Variants in ATF3 observed in about 807,000 individuals in gnomAD.
ATF3 encodes cyclic AMP-dependent transcription factor ATF-3.
Under a neutral mutation model 18.4 loss-of-function variants are expected in ATF3, and 10 were observed. The observed-to-expected ratio is 0.54, with a 90% CI of 0.34 to 0.92. The LOEUF is 0.92. Among genes scored for constraint, ATF3 ranks in the 40% least tolerant of loss-of-function variants. The pLI is 0.02. For missense variants in ATF3, 183 were observed against 222.3 expected, an observed-to-expected ratio of 0.82 and a Z score of 1.12; for synonymous variants, 78 against 87.9, an observed-to-expected ratio of 0.89 and a Z score of 0.63.
chr1:212,612,981 G>A (rs1654959202), intron 1 of ATF3, among the ~76,000 whole-genome samples: 1 of 151,904 alleles, frequency 6.6e-6, no homozygotes, highest in African/African-American at 2.4e-5. Context: ...TTCCTCATAG[G>A]ATATTATGGG....
rs746983561 is a variant in ATF3 at position 212,619,575 on chromosome 1, G to A, written c.*20G>A. ...AGCTAAGCAGTCGTGGTATGGGGGC[G>A]ACTGGGGAGTCCTCATTGAATCCTC... On this transcript the variant is annotated 3_prime_UTR_variant, in exon 4 of 4. Coordinates refer to ENST00000341491, the MANE Select transcript of ATF3 (RefSeq NM_001674.4). The surrounding 1 kb of genome is among the most constrained non-coding windows in gnomAD (Gnocchi z 4.4). The A allele has an allele frequency of 1.2e-5, 19 of 1,613,270 alleles. No homozygotes were observed. The highest frequency in any genetic ancestry group is 6.7e-5 in the Admixed American group (4 of 59,936).
intron 1 of ATF3, among the ~76,000 whole-genome samples, chr1:212,594,172 A>C (rs1664946031): frequency 6.6e-6 from 1 of 152,032 alleles, no homozygotes; most frequent in African/African-American, 2.4e-5. Context: ...GGCTCGGTGG[A>C]GCTGACGAGC....
chr1:212,579,980 T>TAAA (rs776918394), intron 1 of ATF3, among the ~76,000 whole-genome samples: 2 of 130,572 alleles, frequency 1.5e-5, no homozygotes, highest in Non-Finnish European at 3.3e-5. Flanking sequence ...CCGTCTCTAC[T>TAAA]AAAAAAAAAA....
upstream of ATF3, among the ~76,000 whole-genome samples, chr1:212,605,244 A>G (rs1365718054): frequency 1.3e-5 from 2 of 152,234 alleles, no homozygotes; most frequent in African/African-American, 2.4e-5. Context: ...TAAGTGCTGA[A>G]TCCAGAATCC....
At chr1:212,598,149 A>G (rs550278502) in intron 1 of ATF3, among the ~76,000 whole-genome samples, 36 of 152,362 alleles carry the variant, frequency 2.4e-4, no homozygotes, top group Admixed American at 1.8e-3. Context: ...TCAGAAATAT[A>G]TAAGTAGAAG....
In ATF3 at chr1:212,575,293, T is replaced by A. The variant is rs142798880; in HGVS notation, c.-5+9810T>A. On this transcript the variant is annotated intron_variant, in intron 1 of 3. Transcript: ENST00000366981. ...TTAACAAATTTATTTCTAGGTGCCA[T>A]GTAATTTCTGTTACTATTATAAATG... Among the ~76,000 whole-genome samples the A allele has an allele frequency of 5.2e-3, 797 of 152,218 alleles. 8 individuals carry two copies. Among genetic ancestry groups the A allele is most frequent in the African/African-American group, 0.019 (770 of 41,566 alleles).
intron 1 of ATF3, 123 bp downstream of exon 1, chr1:212,609,053 C>CG (rs1260086439): frequency 2.0e-5 from 3 of 152,334 alleles, no homozygotes; most frequent in Non-Finnish European, 4.4e-5. Context: ...CCCCAGCCTC[C>CG]GGCTTGGAAA....
intron 1 of ATF3, among the ~76,000 whole-genome samples, chr1:212,588,255 C>T (rs1369912407): frequency 1.3e-5 from 2 of 152,118 alleles, no homozygotes; most frequent in African/African-American, 2.4e-5. Flanking sequence ...TGAAACTGCA[C>T]GTTCTCCACT....
chr1:212,595,016 T>C (rs928434890), intron 1 of ATF3, among the ~76,000 whole-genome samples: 2 of 152,226 alleles, frequency 1.3e-5, no homozygotes, highest in Non-Finnish European at 2.9e-5. Flanking sequence ...TTGTCAATTA[T>C]TGTTTTGCCA....
At chr1:212,595,651 A>G (rs1664978433) in intron 1 of ATF3, among the ~76,000 whole-genome samples, 1 of 152,208 alleles carries the variant, frequency 6.6e-6, no homozygotes, top group African/African-American at 2.4e-5. Context: ...TCCTCTAAGA[A>G]CTATGGGAAC....
intron 1 of ATF3, among the ~76,000 whole-genome samples, chr1:212,610,829 T>C (rs1654865004): frequency 6.6e-6 from 1 of 152,206 alleles, no homozygotes; most frequent in South Asian, 2.1e-4. Context: ...CGATACCTAT[T>C]GGTGATGGAG....
rs34303223 is a variant in ATF3, at chr1:212,614,590, CAA to C, written c.-4-416_-4-415del. 5.9e-3 allele frequency among the ~76,000 whole-genome samples: 728 copies of C among 124,034 alleles called. 2 individuals are homozygous for C. Among genetic ancestry groups the C allele is most frequent in the African/African-American group, 0.01 (326 of 32,170 alleles). 81.4% of individuals were successfully genotyped at this position (124,034 alleles called of 152,430 possible). A position where few individuals can be genotyped will look rare whatever the true frequency, so the allele number is the denominator to read the frequency against. On this transcript the variant is annotated intron_variant, in intron 1 of 3. Transcript: ENST00000341491. ...AAGAAACTTTATTTTGAGTAATATACAAAAAAAAAAAAAGAGAGAGAGAGAGA... is the reference window on the plus strand; with the variant it reads ...AAGAAACTTTATTTTGAGTAATATACAAAAAAAAAAAGAGAGAGAGAGAGA...
At chr1:212,585,634 G>A (rs1167803254) in intron 1 of ATF3, among the ~76,000 whole-genome samples, 1 of 152,148 alleles carries the variant, frequency 6.6e-6, no homozygotes, top group Non-Finnish European at 1.5e-5. Context: ...AACTGTAATC[G>A]ATTATATTTT....
Position 212,589,743 on chromosome 1 carries a change from CTG to C in ATF3, c.-5+24262_-5+24263del, listed in dbSNP as rs1571768036. 2.0e-5 allele frequency among the ~76,000 whole-genome samples: 3 copies of C among 148,242 alleles called. No individual in the cohort carries two copies. The South Asian group carries it at 6.3e-4, about 31-fold the overall frequency. On this transcript the variant is annotated intron_variant, in intron 1 of 3. Transcript: ENST00000366981. The stretch of plus-strand genomic sequence containing the variant: ...AGAATGTCTTAAATTGACCAAGAAA[CTG>C]TTTTTAAAAAGTCACATAAGCTAAT...
At chr1:212,598,301 A>T (rs1654375217) in intron 1 of ATF3, among the ~76,000 whole-genome samples, 2 of 152,082 alleles carry the variant, frequency 1.3e-5, no homozygotes, top group Admixed American at 1.3e-4. Flanking sequence ...GTTGATATAT[A>T]TCTTACTTTT....
intron 1 of ATF3, among the ~76,000 whole-genome samples, chr1:212,580,545 A>T (rs1015434544): frequency 6.6e-6 from 1 of 151,844 alleles, no homozygotes; most frequent in African/African-American, 2.4e-5. Context: ...TCAAGTGATG[A>T]TCCACCTGTT....
chr1:212,600,759 C>G (rs1025294599), intron 1 of ATF3, among the ~76,000 whole-genome samples: 3 of 152,180 alleles, frequency 2.0e-5, no homozygotes, highest in African/African-American at 7.2e-5. Flanking sequence ...AGTCTGTCTC[C>G]CCATGGGCTG....
chr1:212,578,081 C>T (rs1467376468), intron 1 of ATF3, among the ~76,000 whole-genome samples: 2 of 152,202 alleles, frequency 1.3e-5, no homozygotes, highest in African/African-American at 4.8e-5. Flanking sequence ...ACATCCTCAC[C>T]AACATTTTCT....
At chr1:212,572,783 C>A (rs2102621071) in intron 1 of ATF3, among the ~76,000 whole-genome samples, 1 of 152,248 alleles carries the variant, frequency 6.6e-6, no homozygotes, top group African/African-American at 2.4e-5. Flanking sequence ...CCAAGGCATT[C>A]CATAGAAGTT....
Sources: gnomAD v4.1 joint callset for allele counts (sites outside exome capture counted in the v4.1 genomes callset) on GRCh38, gnomAD v4.1.1 for gene constraint, Gnocchi (gnomAD v3.1) non-coding constraint, MANE v1.5 for transcripts, NCBI Gene and HGNC (gene_info 2026-07-23, HGNC 2026-07-21) for gene names.